ASH1L: variants seen among roughly 807,000 people sequenced by gnomAD.
The protein encoded by ASH1L is ASH1 like histone lysine methyltransferase.
In ASH1L, 23 loss-of-function variants were observed where a neutral mutation model predicts 269.0. The ratio of observed to expected loss-of-function variants is 0.09; its 90% CI spans 0.06 to 0.12. The LOEUF (loss-of-function observed/expected upper bound fraction) is 0.12, where lower values mean the gene tolerates loss of function less well. ASH1L is among the 10% of genes least tolerant of loss of function. The pLI, the probability that ASH1L is intolerant of heterozygous loss-of-function variation, is 1.00. For synonymous variants in ASH1L, 1,187 were observed against 1,253.5 expected (o/e 0.95, Z 1.12); for missense variants, 2,912 against 3,567.8 (o/e 0.82, Z 4.68).
At chr1:155,411,586 A>AATAAAT (rs1297131961) in intron 6 of ASH1L, among the ~76,000 whole-genome samples, 126 of 55,126 alleles carry the variant, frequency 2.3e-3, no homozygotes, top group African/African-American at 6.1e-3. Context: ...TAAATAAATA[A>AATAAAT]ATATATATAT....
chr1:155,451,845 T>TG (rs1663499561), intron 4 of ASH1L, among the ~76,000 whole-genome samples: 3 of 151,722 alleles, frequency 2.0e-5, no homozygotes, highest in African/African-American at 7.3e-5. Flanking sequence ...CTCAGCCTCC[T>TG]GAGTAGCTGG....
chr1:155,438,683 G>A lies in ASH1L; in HGVS notation c.5472C>T (p.Asp1824=). ...DKILATKKNL[D]HVNKILKAKK... is the part of the protein sequence containing the mutation. ...TGGCTTTTAAGATTTTATTGACATG[G>A]TCTAGGTTTTTCTTTGTGGCCAAGA... The change falls in exon 5 of 28, where the codon GAC becomes GAT. Residue 1824 remains aspartate, a synonymous_variant. Transcript: ENST00000392403. The A allele has an allele frequency of 6.2e-7, 1 of 1,614,098 alleles. No homozygotes were observed. Among genetic ancestry groups the A allele is most frequent in the African/African-American group, 1.3e-5 (1 of 75,012 alleles).
chr1:155,521,671 A>C (rs1232571073), intron 1 of ASH1L, 53 bp from the exon 2 acceptor site: 3 of 663,108 alleles, frequency 4.5e-6, no homozygotes, highest in Non-Finnish European at 7.5e-6. Context: ...ACTACTGATT[A>C]ACATAAGTAA....
At chr1:155,556,449 T>A (rs564248449) in intron 1 of ASH1L, among the ~76,000 whole-genome samples, 235 of 151,710 alleles carry the variant, frequency 1.5e-3, no homozygotes, top group African/African-American at 5.5e-3. Context: ...TATGTGTATA[T>A]ATATATATTT....
chr1:155,445,206 G>A (rs539604394), intron 4 of ASH1L, among the ~76,000 whole-genome samples: 12 of 152,158 alleles, frequency 7.9e-5, no homozygotes, highest in East Asian at 3.9e-4. Context: ...GAAAGTTAGC[G>A]GAGTTTCACT....
chr1:155,434,152 C>A, intron 5 of ASH1L: 1 of 1,593,642 alleles, frequency 6.3e-7, no homozygotes, highest in Non-Finnish European at 8.5e-7. Context: ...GTACCCCAGG[C>A]TATGGGAGCC....
chr1:155,347,304 G>C (rs1250550396), intron 20 of ASH1L, among the ~76,000 whole-genome samples: 1 of 152,192 alleles, frequency 6.6e-6, no homozygotes, highest in African/African-American at 2.4e-5. Context: ...CTACTCGAGA[G>C]GCTGAGGTGG....
At chr1:155,535,357 G>A (rs936041306) in intron 1 of ASH1L, among the ~76,000 whole-genome samples, 2 of 151,960 alleles carry the variant, frequency 1.3e-5, no homozygotes, top group East Asian at 1.9e-4. Context: ...AGCCTCCCGC[G>A]CAGCTAACAG....
intron 5 of ASH1L, chr1:155,433,122 G>A (rs567543063): frequency 7.2e-7 from 1 of 1,398,410 alleles, no homozygotes; most frequent in South Asian, 1.4e-5. Context: ...TGATAGAAAG[G>A]AATATAAAAA....
At chr1:155,433,471 C>G (rs1346621575) in intron 5 of ASH1L, 3 of 1,610,164 alleles carry the variant, frequency 1.9e-6, no homozygotes, top group Middle Eastern at 1.7e-4. Flanking sequence ...AGCCTGAGGG[C>G]GAAGCAGGAG....
intron 6 of ASH1L, among the ~76,000 whole-genome samples, 184 bp from the exon 7 acceptor site, chr1:155,395,737 G>A (rs947277924): frequency 1.3e-5 from 2 of 152,002 alleles, no homozygotes; most frequent in South Asian, 4.1e-4. Context: ...GGGGGTTCAC[G>A]CCTGTAATCC....
chr1:155,418,115 T>C (rs1660366817), intron 5 of ASH1L, among the ~76,000 whole-genome samples: 2 of 152,112 alleles, frequency 1.3e-5, no homozygotes, highest in Admixed American at 1.3e-4. Context: ...TCACAATGTC[T>C]TGCATCCAAT....
At chr1:155,410,423 C>T (rs777382634) in intron 6 of ASH1L, among the ~76,000 whole-genome samples, 1 of 152,162 alleles carries the variant, frequency 6.6e-6, no homozygotes, top group Non-Finnish European at 1.5e-5. Context: ...TCTGCCTCAG[C>T]CTCCCAAGGA....
At chr1:155,527,374 C>T (rs1436436091) in intron 1 of ASH1L, among the ~76,000 whole-genome samples, 1 of 152,050 alleles carries the variant, frequency 6.6e-6, no homozygotes, top group Admixed American at 6.6e-5. Context: ...ACTTTCACTG[C>T]CACCCCTCCA....
intron 10 of ASH1L, among the ~76,000 whole-genome samples, chr1:155,377,732 G>A (rs1391278531): frequency 2.0e-5 from 3 of 152,104 alleles, no homozygotes; most frequent in Non-Finnish European, 4.4e-5. Flanking sequence ...CTCATAAATA[G>A]TAAAAGGATT....
At chr1:155,443,311 C>T (rs769539144) in intron 4 of ASH1L, among the ~76,000 whole-genome samples, 9 of 152,126 alleles carry the variant, frequency 5.9e-5, no homozygotes, top group Non-Finnish European at 1.2e-4. Flanking sequence ...GCTATTAATA[C>T]CTCACACTTC....
At chr1:155,349,710 T>G in intron 17 of ASH1L, 114 bp from the exon 18 acceptor site, 1 of 129,598 alleles carries the variant, frequency 7.7e-6, no homozygotes, top group Non-Finnish European at 1.5e-5. Flanking sequence ...AATCCAAGTC[T>G]TTTTTTTTTT....
chr1:155,560,714 T>C (rs1391417001), intron 1 of ASH1L, among the ~76,000 whole-genome samples: 2 of 152,148 alleles, frequency 1.3e-5, no homozygotes, highest in African/African-American at 4.8e-5. Context: ...CTCCCACAGA[T>C]TTCAAGTTAA....
At chr1:155,517,068 A>T (rs1668543845) in intron 2 of ASH1L, among the ~76,000 whole-genome samples, 1 of 152,208 alleles carries the variant, frequency 6.6e-6, no homozygotes, top group African/African-American at 2.4e-5. Context: ...TCAAAATCCC[A>T]ACATTATTGT....
Sources: gnomAD v4.1 joint callset for allele counts (sites outside exome capture counted in the v4.1 genomes callset) on GRCh38, gnomAD v4.1.1 for gene constraint, MANE v1.5 for transcripts, NCBI Gene and HGNC (gene_info 2026-07-23, HGNC 2026-07-21) for gene names.